The following MBD5 variants were observed in gnomAD, a reference collection of about 807,000 sequenced individuals.
MBD5 encodes methyl-CpG-binding domain protein 5.
In MBD5, 13 loss-of-function variants were observed where a neutral mutation model predicts 117.3. That is an observed-to-expected ratio of 0.11 (90% confidence interval 0.07 to 0.18). The LOEUF (loss-of-function observed/expected upper bound fraction) is 0.18, where lower values mean the gene tolerates loss of function less well. Among genes scored for constraint, MBD5 ranks in the 10% least tolerant of loss-of-function variants. The pLI is 1.00. For missense variants in MBD5, 1,879 were observed against 2,093.8 expected (o/e 0.90, Z 2.00); for synonymous variants, 727 against 766.4 (o/e 0.95, Z 0.85).
intron 3 of MBD5, among the ~76,000 whole-genome samples, chr2:148,236,607 G>C (rs1700096968): frequency 6.6e-6 from 1 of 152,138 alleles, no homozygotes; most frequent in Non-Finnish European, 1.5e-5. Flanking sequence ...AAACAGATAT[G>C]CTGTCCTCTA....
At chr2:148,250,290 A>G (rs932751020) in intron 3 of MBD5, among the ~76,000 whole-genome samples, 4 of 152,174 alleles carry the variant, frequency 2.6e-5, no homozygotes, top group Non-Finnish European at 5.9e-5. Flanking sequence ...AGAGGGAAAC[A>G]ACATACACTG....
chr2:148,112,702 C>T (rs1696529414), intron 1 of MBD5, among the ~76,000 whole-genome samples: 1 of 151,978 alleles, frequency 6.6e-6, no homozygotes, highest in Admixed American at 6.6e-5. Flanking sequence ...AATCTAATTC[C>T]CACCATATTC....
chr2:148,516,304 T>C lies in MBD5; in HGVS notation c.*3363T>C, dbSNP rs1682342752. On this transcript the variant is annotated 3_prime_UTR_variant, in exon 14 of 14. Transcript: ENST00000642680. Reference sequence around the variant, plus strand: ...ATTAAGATTTTAAAATCTAAGATGCTTAAGATGTTGGTGGCATTGCTCTTT... The same window carrying C: ...ATTAAGATTTTAAAATCTAAGATGCCTAAGATGTTGGTGGCATTGCTCTTT... 6.6e-6 allele frequency: 1 copy of C among 152,224 alleles called. No individual in the cohort carries two copies. Among genetic ancestry groups the C allele is most frequent in the Non-Finnish European group, 1.5e-5 (1 of 68,032 alleles). 9.4% of individuals were successfully genotyped at this position (152,224 alleles called of 1,614,324 possible).
chr2:148,175,211 C>T (rs986493452), intron 1 of MBD5, among the ~76,000 whole-genome samples: 6 of 152,032 alleles, frequency 3.9e-5, no homozygotes, highest in African/African-American at 1.4e-4. Context: ...AACTTCACTT[C>T]GTATTTTATA....
chr2:148,280,721 T>C (rs1378339652), intron 3 of MBD5, among the ~76,000 whole-genome samples: 1 of 152,200 alleles, frequency 6.6e-6, no homozygotes, highest in African/African-American at 2.4e-5. Flanking sequence ...TGAGCCACCA[T>C]GCCTGGCCTA....
At chr2:148,369,375 A>G (rs1000380659) in intron 4 of MBD5, among the ~76,000 whole-genome samples, 1 of 152,182 alleles carries the variant, frequency 6.6e-6, no homozygotes, top group Non-Finnish European at 1.5e-5. Context: ...TATGTAGATT[A>G]GATACATTAC....
intron 1 of MBD5, among the ~76,000 whole-genome samples, chr2:148,061,898 T>C (rs1695046145): frequency 6.6e-6 from 1 of 151,802 alleles, no homozygotes; most frequent in African/African-American, 2.4e-5. Flanking sequence ...GTCCTCAGGA[T>C]TTTAAATATT....
chr2:148,187,146 AGGAGTTTGGGGCTG>A (rs1400283307), intron 2 of MBD5, among the ~76,000 whole-genome samples: 1 of 152,244 alleles, frequency 6.6e-6, no homozygotes, highest in African/African-American at 2.4e-5. Flanking sequence ...GCTTAAGTAC[AGGAGTTTGGGGCTG>A]TAGTGTGCTA....
At chr2:148,256,276 GTCCCAATT>G (rs545161331) in intron 3 of MBD5, among the ~76,000 whole-genome samples, 1 of 152,322 alleles carries the variant, frequency 6.6e-6, no homozygotes, top group Non-Finnish European at 1.5e-5. Context: ...CCCCCTGCAT[GTCCCAATT>G]TCCAGTGTAG....
chr2:148,040,798 G>A (rs1694334681), intron 1 of MBD5, among the ~76,000 whole-genome samples: 2 of 152,086 alleles, frequency 1.3e-5, no homozygotes, highest in Non-Finnish European at 2.9e-5. Flanking sequence ...GGCCCTGTGG[G>A]TGCACATTAA....
At chr2:148,455,758 GA>G (rs35160968) in intron 4 of MBD5, among the ~76,000 whole-genome samples, 5,278 of 134,128 alleles carry the variant, frequency 0.039, 146 homozygotes, top group African/African-American at 0.079. Context: ...AGAGCAGGCA[GA>G]AAAAAAAAAA....
intron 1 of MBD5, among the ~76,000 whole-genome samples, chr2:148,121,384 TAA>T (rs1418791336): frequency 6.6e-6 from 1 of 152,064 alleles, no homozygotes; most frequent in African/African-American, 2.4e-5. Context: ...AGATTTTATT[TAA>T]AGCTTTATTT....
At chr2:148,377,533 C>A (rs995546376) in intron 4 of MBD5, among the ~76,000 whole-genome samples, 1 of 152,200 alleles carries the variant, frequency 6.6e-6, no homozygotes, top group Non-Finnish European at 1.5e-5. Context: ...GGCAACTAAG[C>A]AAACAAATAG....
At chr2:148,448,636 C>T (rs907685828) in intron 4 of MBD5, among the ~76,000 whole-genome samples, 2 of 151,662 alleles carry the variant, frequency 1.3e-5, no homozygotes, top group African/African-American at 4.8e-5. Context: ...TTGAAGAGTG[C>T]TAAGTATTTT....
At chr2:148,315,516 T>C (rs1394942377) in intron 3 of MBD5, among the ~76,000 whole-genome samples, 1 of 152,224 alleles carries the variant, frequency 6.6e-6, no homozygotes, top group Non-Finnish European at 1.5e-5. Context: ...ATGTTTATCC[T>C]GGGCCTTCCA....
chr2:148,088,332 G>T (rs950412344), intron 1 of MBD5, among the ~76,000 whole-genome samples: 2 of 152,084 alleles, frequency 1.3e-5, no homozygotes, highest in African/African-American at 4.8e-5. Flanking sequence ...TAGAGATCTA[G>T]ACATCCAATT....
intron 1 of MBD5, among the ~76,000 whole-genome samples, chr2:148,147,942 T>C (rs150738348): frequency 1.5e-3 from 221 of 152,298 alleles, no homozygotes; most frequent in Non-Finnish European, 2.4e-3. Flanking sequence ...CAAGTCACCA[T>C]ACATGGCTCT....
At position 148,386,730 on chromosome 2, in the gene MBD5, A is replaced by C. The variant is rs920956178; in HGVS notation, c.-557+44394A>C. On this transcript the variant is annotated intron_variant, in intron 4 of 13. Coordinates refer to ENST00000642680, the MANE Select transcript of MBD5 (RefSeq NM_001378120.1). ...CGAGACTCCGTCTCAAAAAAAAAAA[A>C]AAAAAAAAAAAAAGAAGATACTTTA... Among the ~76,000 whole-genome samples the C allele has an allele frequency of 7.2e-4, 107 of 148,836 alleles. 1 individual carries two copies. Among genetic ancestry groups the C allele is most frequent in the African/African-American group, 2.3e-3 (95 of 41,004 alleles).
chr2:148,177,339 C>A (rs964535247), intron 1 of MBD5, among the ~76,000 whole-genome samples: 3 of 152,136 alleles, frequency 2.0e-5, no homozygotes, highest in African/African-American at 7.2e-5. Context: ...CAGCCTAGTT[C>A]TGAACCAGAA....
Sources: allele counts gnomAD v4.1 joint callset (sites outside exome capture counted in the v4.1 genomes callset), GRCh38; gene constraint gnomAD v4.1.1; transcripts MANE v1.5; gene names NCBI Gene and HGNC (gene_info 2026-07-23, HGNC 2026-07-21).